CCDC7: variants seen among roughly 807,000 people sequenced by gnomAD.
The protein encoded by CCDC7 is coiled-coil domain-containing protein 7.
A neutral mutation model predicts 196.9 loss-of-function variants in CCDC7; 183 were observed. The observed-to-expected ratio is 0.93, with a 90% CI of 0.82 to 1.05. CCDC7 has a LOEUF of 1.05. Among genes scored for constraint, CCDC7 ranks in the 50% least tolerant of loss-of-function variants. The pLI is 0.00. For synonymous variants in CCDC7, 525 were observed against 484.6 expected (o/e 1.08, Z -1.10); for missense variants, 1,540 against 1,482.2 (o/e 1.04, Z -0.64).
At chr10:32,690,725 T>A (rs2076986030) in intron 23 of CCDC7, among the ~76,000 whole-genome samples, 1 of 152,240 alleles carries the variant, frequency 6.6e-6, no homozygotes, top group African/African-American at 2.4e-5. Flanking sequence ...GCTGTTAATC[T>A]GGATATTTAC....
At chr10:32,650,783 A>T (rs1185025353) in intron 20 of CCDC7, among the ~76,000 whole-genome samples, 1 of 152,086 alleles carries the variant, frequency 6.6e-6, no homozygotes, top group Non-Finnish European at 1.5e-5. Flanking sequence ...GCACTCAGGG[A>T]TGGGTTCTGG....
At chr10:32,455,608 C>T (rs192035346) in intron 2 of CCDC7, among the ~76,000 whole-genome samples, 13 of 152,244 alleles carry the variant, frequency 8.5e-5, no homozygotes, top group Non-Finnish European at 1.6e-4. Context: ...TGAGCCACCG[C>T]GCCTGGCTCA....
intron 8 of CCDC7, among the ~76,000 whole-genome samples, chr10:32,481,175 A>G (rs2039899754): frequency 6.6e-6 from 1 of 152,100 alleles, no homozygotes; most frequent in South Asian, 2.1e-4. Flanking sequence ...TTGGTTTCTA[A>G]TTGCATGGAG....
intron 32 of CCDC7, 66 bp from the exon 34 acceptor site, chr10:32,834,745 TACAC>T: frequency 1.5e-6 from 1 of 650,712 alleles, no homozygotes; most frequent in African/African-American, 1.8e-5. Flanking sequence ...TACTATCACA[TACAC>T]ACAGCACGGA....
At chr10:32,875,191 G>C (rs898676707) in intron 41 of CCDC7, among the ~76,000 whole-genome samples, 4 of 151,870 alleles carry the variant, frequency 2.6e-5, no homozygotes, top group Non-Finnish European at 5.9e-5. Flanking sequence ...TGGCATCTTC[G>C]TCATGAAATC....
intron 9 of CCDC7, among the ~76,000 whole-genome samples, chr10:32,510,381 C>T (rs960331126): frequency 6.6e-6 from 1 of 152,116 alleles, no homozygotes; most frequent in Non-Finnish European, 1.5e-5. Flanking sequence ...CCATAGTGAA[C>T]AATACTGCAT....
At chr10:32,614,386 A>G (rs1399253220) in intron 18 of CCDC7, among the ~76,000 whole-genome samples, 1 of 151,022 alleles carries the variant, frequency 6.6e-6, no homozygotes, top group African/African-American at 2.4e-5. Context: ...ATGGGTATTG[A>G]CTCCTTATCT....
At chr10:32,664,716 G>A (rs2072271426) in intron 21 of CCDC7, among the ~76,000 whole-genome samples, 2 of 151,834 alleles carry the variant, frequency 1.3e-5, no homozygotes, top group African/African-American at 4.8e-5. Context: ...ATTGATCTGT[G>A]GCTGGACACT....
intron 16 of CCDC7, among the ~76,000 whole-genome samples, chr10:32,577,782 C>T (rs1005945274): frequency 1.3e-5 from 2 of 151,946 alleles, no homozygotes; most frequent in African/African-American, 4.8e-5. Context: ...TGTGCTATAT[C>T]CCCCTTTTAA....
intron 16 of CCDC7, among the ~76,000 whole-genome samples, chr10:32,572,866 C>CTTTTTTTT (rs576270039): frequency 5.5e-5 from 5 of 90,352 alleles, no homozygotes; most frequent in African/African-American, 9.0e-5. Context: ...AAGCATGGTG[C>CTTTTTTTT]TTTTTTTTTT....
At chr10:32,566,537 T>C (rs1317732496) in intron 14 of CCDC7, among the ~76,000 whole-genome samples, 2 of 152,172 alleles carry the variant, frequency 1.3e-5, no homozygotes, top group Non-Finnish European at 2.9e-5. Flanking sequence ...TTTATTGTTA[T>C]AGAAACATAT....
chr10:32,732,825 T>C (rs762207289), intron 28 of CCDC7, among the ~76,000 whole-genome samples: 96 of 152,154 alleles, frequency 6.3e-4, no homozygotes, highest in Non-Finnish European at 1.2e-3. Context: ...TGTCAGATAT[T>C]AACATAGCAT....
intron 25 of CCDC7, among the ~76,000 whole-genome samples, chr10:32,719,049 A>C (rs2082023302): frequency 6.6e-6 from 1 of 152,226 alleles, no homozygotes; most frequent in South Asian, 2.1e-4. Context: ...GAACCAAAAA[A>C]AGAGCCCGTA....
intron 16 of CCDC7, 100 bp from the exon 18 acceptor site, chr10:32,582,934 T>G: frequency 1.5e-6 from 1 of 689,542 alleles, no homozygotes; most frequent in Non-Finnish European, 2.0e-6. Context: ...GTAATTATAC[T>G]TACTTATTTA....
At chr10:32,705,559 A>G (rs748959182) in intron 24 of CCDC7, among the ~76,000 whole-genome samples, 4 of 152,132 alleles carry the variant, frequency 2.6e-5, no homozygotes, top group African/African-American at 4.8e-5. Context: ...TCAGTGTGCT[A>G]TATTCAGGAG....
chr10:32,729,995 C>T (rs1042871157), intron 28 of CCDC7, among the ~76,000 whole-genome samples: 5 of 152,004 alleles, frequency 3.3e-5, no homozygotes, highest in African/African-American at 9.7e-5. Flanking sequence ...TTTTTAAAAT[C>T]AGCTTGAATT....
chr10:32,870,238 T>G lies in CCDC7; in HGVS notation c.4112-6109T>G, dbSNP rs533811387. Among the ~76,000 whole-genome samples, 42 of 152,310 alleles carry G rather than the reference T, an allele frequency of 2.8e-4. 1 individual carries two copies. In the South Asian group the frequency reaches 7.2e-3, roughly 26 times the overall value. On this transcript the variant is annotated intron_variant, in intron 41 of 41. Coordinates refer to ENST00000639629, the Ensembl canonical transcript of CCDC7. ...ATTCTTCCTACCCATGAGCATGGAA[T>G]GTTCTTCCATTTGTTTGTGTCCTCT...
At chr10:32,544,384 T>A (rs1358710955) in intron 13 of CCDC7, 83 bp downstream of exon 14, 4 of 1,408,412 alleles carry the variant, frequency 2.8e-6, no homozygotes, top group Non-Finnish European at 3.9e-6. Flanking sequence ...TTATTACGTA[T>A]GTGATTATAG....
At chr10:32,827,140 C>T (rs918576106) in intron 32 of CCDC7, among the ~76,000 whole-genome samples, 9 of 152,178 alleles carry the variant, frequency 5.9e-5, no homozygotes, top group African/African-American at 2.2e-4. Flanking sequence ...GCCTCTTTCC[C>T]CAGCCACGCC....
Sources: allele counts gnomAD v4.1 joint callset (sites outside exome capture counted in the v4.1 genomes callset), GRCh38; gene constraint gnomAD v4.1.1; transcripts MANE v1.5; gene names NCBI Gene and HGNC (gene_info 2026-07-23, HGNC 2026-07-21).